Variants in TMEM232 observed in about 807,000 individuals in gnomAD.
The protein encoded by TMEM232 is transmembrane protein 232.
Under a neutral mutation model 78.8 loss-of-function variants are expected in TMEM232, and 80 were observed. That is an observed-to-expected ratio of 1.01 (90% CI 0.85 to 1.22). The LOEUF is 1.22. Among genes scored for constraint, TMEM232 ranks in the 50% most tolerant of loss-of-function variants. The pLI, the probability that TMEM232 is intolerant of heterozygous loss-of-function variation, is 0.00. For synonymous variants in TMEM232, 297 were observed against 254.3 expected (o/e 1.17, Z -1.60); for missense variants, 881 against 742.2 (o/e 1.19, Z -2.17).
rs149834457 is a variant in TMEM232, at chr5:110,405,695, G to A, written n.309-7841C>T. Among the ~76,000 whole-genome samples the A allele has an allele frequency of 1.6e-3, 232 of 148,116 alleles. 1 individual carries two copies. The highest frequency in any genetic ancestry group is 5.2e-3 in the African/African-American group (211 of 40,378). ...AGAAAGATTCAATGAACTCAAAGATGGATCAATATAAAACATCAAACTGAA... is the reference window on the plus strand; with the variant it reads ...AGAAAGATTCAATGAACTCAAAGATAGATCAATATAAAACATCAAACTGAA... On this transcript the variant is annotated intron_variant and non_coding_transcript_variant, in intron 2 of 8. Coordinates refer to the TMEM232 transcript ENST00000507188.
At chr5:110,462,470 A>C (rs1761638187) in intron 12 of TMEM232, among the ~76,000 whole-genome samples, 1 of 152,194 alleles carries the variant, frequency 6.6e-6, no homozygotes, top group African/African-American at 2.4e-5. Context: ...CAGGCAGAGG[A>C]ACATGGAAAG....
upstream of TMEM232, among the ~76,000 whole-genome samples, chr5:110,730,664 A>T (rs1798590914): frequency 6.6e-6 from 1 of 152,180 alleles, no homozygotes; most frequent in Non-Finnish European, 1.5e-5. Flanking sequence ...ACCCCTGATA[A>T]ACCCATTAGA....
At chr5:110,505,370 G>A (rs1455427330) in intron 12 of TMEM232, among the ~76,000 whole-genome samples, 2 of 152,146 alleles carry the variant, frequency 1.3e-5, no homozygotes, top group African/African-American at 2.4e-5. Context: ...AGTCCTTGTG[G>A]TGATCATGAT....
intron 12 of TMEM232, among the ~76,000 whole-genome samples, chr5:110,485,059 T>A (rs1251022686): frequency 6.6e-6 from 1 of 152,144 alleles, no homozygotes; most frequent in Non-Finnish European, 1.5e-5. Flanking sequence ...GTATAGCCAC[T>A]ATGGAAACAG....
intron 12 of TMEM232, among the ~76,000 whole-genome samples, chr5:110,434,752 C>T (rs989179174): frequency 2.0e-5 from 3 of 152,076 alleles, no homozygotes; most frequent in Admixed American, 6.6e-5. Context: ...AATGTTAATT[C>T]GCCATGATCA....
chr5:110,529,602 G>GT (rs1427070224), intron 11 of TMEM232, among the ~76,000 whole-genome samples: 4 of 152,148 alleles, frequency 2.6e-5, no homozygotes, highest in Admixed American at 6.5e-5. Context: ...TAAGAGCTTT[G>GT]TATTTAGCTT....
upstream of TMEM232, chr5:110,738,879 CAACA>C: frequency 1.0e-6 from 1 of 979,132 alleles, no homozygotes; most frequent in African/African-American, 1.7e-5. Flanking sequence ...TCCCTAACGA[CAACA>C]AACTTTTAAG....
chr5:110,428,826 T>C (rs1757523272), intron 12 of TMEM232, among the ~76,000 whole-genome samples: 1 of 151,624 alleles, frequency 6.6e-6, no homozygotes, highest in Admixed American at 6.6e-5. Flanking sequence ...ACTCACTCTC[T>C]CTCCAAAGAA....
intron 12 of TMEM232, among the ~76,000 whole-genome samples, chr5:110,486,472 T>G (rs1052228868): frequency 3.3e-5 from 5 of 152,110 alleles, no homozygotes; most frequent in Admixed American, 2.6e-4. Flanking sequence ...AGTCCTCAAT[T>G]CATCTTGAGT....
At chr5:110,449,923 G>A (rs993671761) in intron 12 of TMEM232, among the ~76,000 whole-genome samples, 2 of 152,014 alleles carry the variant, frequency 1.3e-5, no homozygotes, top group African/African-American at 2.4e-5. Context: ...ATACAGCTTG[G>A]CTCTGTGTCC....
At chr5:110,697,703 A>G (rs1035250954) in intron 1 of TMEM232, among the ~76,000 whole-genome samples, 4 of 152,382 alleles carry the variant, frequency 2.6e-5, no homozygotes, top group African/African-American at 9.6e-5. Flanking sequence ...AAAAATGCTC[A>G]TCATCACTGG....
chr5:110,421,854 T>C (rs961062794), intron 13 of TMEM232, among the ~76,000 whole-genome samples: 6 of 152,226 alleles, frequency 3.9e-5, no homozygotes, highest in African/African-American at 1.4e-4. Context: ...AAATCCATTA[T>C]TTATTCCCAG....
At chr5:110,625,001 G>T (rs1580404717) in intron 7 of TMEM232, among the ~76,000 whole-genome samples, 1 of 151,960 alleles carries the variant, frequency 6.6e-6, no homozygotes, top group South Asian at 2.1e-4. Flanking sequence ...TGGAAAATAT[G>T]TGAGGAAAGA....
intron 12 of TMEM232, among the ~76,000 whole-genome samples, chr5:110,520,400 A>T (rs1285394043): frequency 1.3e-5 from 2 of 152,136 alleles, no homozygotes; most frequent in Non-Finnish European, 2.9e-5. Flanking sequence ...ACAGAAAAAA[A>T]AGAAAACTTC....
intron 12 of TMEM232, among the ~76,000 whole-genome samples, chr5:110,445,306 C>T (rs1554079787): frequency 6.6e-6 from 1 of 151,814 alleles, no homozygotes; most frequent in Non-Finnish European, 1.5e-5. Flanking sequence ...TAATAAATTA[C>T]ATATGTTTAA....
At chr5:110,447,936 G>T (rs990578082) in intron 12 of TMEM232, among the ~76,000 whole-genome samples, 1 of 151,904 alleles carries the variant, frequency 6.6e-6, no homozygotes, top group African/African-American at 2.4e-5. Context: ...CAGTAATTAT[G>T]AATTTAAAAC....
At chr5:110,494,454 T>A (rs995082657) in intron 12 of TMEM232, among the ~76,000 whole-genome samples, 1 of 152,098 alleles carries the variant, frequency 6.6e-6, no homozygotes, top group Non-Finnish European at 1.5e-5. Context: ...TACTACATGT[T>A]GATGAGTATG....
intron 4 of TMEM232, among the ~76,000 whole-genome samples, chr5:110,640,109 C>A (rs1169438459): frequency 1.3e-5 from 2 of 152,298 alleles, no homozygotes; most frequent in Admixed American, 1.3e-4. Context: ...GAGCAAACAG[C>A]CTCTTCTTGC....
intron 12 of TMEM232, among the ~76,000 whole-genome samples, chr5:110,449,596 C>A (rs1265527416): frequency 6.6e-6 from 1 of 151,634 alleles, no homozygotes; most frequent in Non-Finnish European, 1.5e-5. Flanking sequence ...CCTGATTCTA[C>A]CTTCACAATT....
Sources: gnomAD v4.1 joint callset for allele counts (sites outside exome capture counted in the v4.1 genomes callset) on GRCh38, gnomAD v4.1.1 for gene constraint, MANE v1.5 for transcripts, NCBI Gene and HGNC (gene_info 2026-07-23, HGNC 2026-07-21) for gene names.